Variants in TUBB4B observed in about 807,000 individuals in gnomAD.
The protein encoded by TUBB4B is tubulin beta 4B class IVb.
In TUBB4B, 7 loss-of-function variants were observed where a neutral mutation model predicts 34.3. The ratio of observed to expected loss-of-function variants is 0.20; its 90% CI spans 0.12 to 0.38. The LOEUF (loss-of-function observed/expected upper bound fraction) is 0.38, where lower values mean the gene tolerates loss of function less well. TUBB4B is among the 10% of genes least tolerant of loss of function. The probability of loss-of-function intolerance (pLI) is 1.00; values close to 1 mark genes in which losing one functional copy is unlikely to be tolerated. For missense variants in TUBB4B, 178 were observed against 610.9 expected, an observed-to-expected ratio of 0.29 and a Z score of 7.47; for synonymous variants, 390 against 250.2, an observed-to-expected ratio of 1.56 and a Z score of -5.27.
At chr9:137,242,402 C>A in intron 3 of TUBB4B, 94 bp from the exon 4 acceptor site, 1 of 1,440,746 alleles carries the variant, frequency 6.9e-7, no homozygotes, top group South Asian at 1.3e-5. Context: ...ATTCTGTGGT[C>A]AGCTCACACC....
At position 137,243,327 on chromosome 9, in the gene TUBB4B, A is replaced by G; in HGVS notation, c.1109A>G (p.Asn370Ser). The change falls in exon 4 of 4, where the codon AAC (asparagine) becomes AGC (serine). Residue 370 changes from asparagine to serine, a missense_variant. Coordinates refer to ENST00000340384, the MANE Select transcript of TUBB4B (RefSeq NM_006088.6). The part of the protein sequence containing the change: ...GLKMSATFIG[N>S]STAIQELFKR... Reference sequence around the variant, plus strand: ...AAAATGTCCGCCACCTTCATTGGCAACAGCACGGCCATCCAGGAGCTGTTC... The same window carrying G: ...AAAATGTCCGCCACCTTCATTGGCAGCAGCACGGCCATCCAGGAGCTGTTC... The G allele has an allele frequency of 6.2e-7, 1 of 1,613,624 alleles. No individual in the cohort carries two copies. Among genetic ancestry groups the G allele is most frequent in the Non-Finnish European group, 8.5e-7 (1 of 1,180,038 alleles).
Position 137,241,930 on chromosome 9 carries a change from C to T in TUBB4B, c.186C>T (p.Arg62=), listed in dbSNP as rs543022166. The change falls in exon 3 of 4, where the codon CGC becomes CGT. Residue 62 remains arginine, a synonymous_variant. Transcript: ENST00000340384. ...NEATGGKYVP[R]AVLVDLEPGT... ...CCGCAGGCGGCAAGTACGTGCCCCG[C>T]GCCGTGCTCGTGGATCTGGAGCCCG... 90 of 1,611,460 alleles carry T rather than the reference C, an allele frequency of 5.6e-5. 1 individual carries two copies. The South Asian group carries it at 7.2e-4, about 13-fold the overall frequency.
At chr9:137,241,543 G>A (rs2131432747) in intron 1 of TUBB4B, 126 bp downstream of exon 1, 2 of 948,514 alleles carry the variant, frequency 2.1e-6, no homozygotes, top group African/African-American at 3.5e-5. Flanking sequence ...CCCTCCGCGG[G>A]GAATTGGCCG....
In TUBB4B at chr9:137,242,827, T is replaced by C. The variant is rs1341625170; in HGVS notation, c.609T>C (p.Asp203=). The C allele has an allele frequency of 6.2e-7, 1 of 1,613,808 alleles. No homozygotes were observed. Among genetic ancestry groups the C allele is most frequent in the South Asian group, 1.1e-5 (1 of 91,086 alleles). The part of the protein sequence containing the change: ...VENTDETYCI[D]NEALYDICFR... Reference sequence around the variant, plus strand: ...ACACAGACGAGACCTACTGCATTGATAACGAAGCTCTCTACGACATTTGCT... The same window carrying C: ...ACACAGACGAGACCTACTGCATTGACAACGAAGCTCTCTACGACATTTGCT... Residue 203 remains aspartate, a synonymous_variant, in exon 4 of 4, where the codon GAT becomes GAC. Transcript: ENST00000340384.
Position 137,243,253 on chromosome 9 carries a change from C to T in TUBB4B, c.1035C>T (p.Ile345=), listed in dbSNP as rs201909594. The T allele has an allele frequency of 2.3e-4, 378 of 1,613,476 alleles. No homozygotes were observed. The Admixed American group carries it at 6.1e-3, about 26-fold the overall frequency. Residue 345 remains isoleucine, a synonymous_variant, in exon 4 of 4, where the codon ATC becomes ATT. Transcript: ENST00000340384. ...NKNSSYFVEW[I]PNNVKTAVCD... Reference sequence around the variant, plus strand: ...ACAGCAGCTATTTTGTTGAGTGGATCCCCAACAATGTGAAAACGGCTGTCT... The same window carrying T: ...ACAGCAGCTATTTTGTTGAGTGGATTCCCAACAATGTGAAAACGGCTGTCT...
Position 137,241,382 on chromosome 9 carries a change from C to T in TUBB4B, c.22C>T (p.Gln8Ter). 1 of 1,602,508 alleles carries T rather than the reference C, an allele frequency of 6.2e-7. No homozygotes were observed. The highest frequency in any genetic ancestry group is 1.1e-5 in the South Asian group (1 of 90,758). Residue 8 changes from glutamine (Q) to a stop codon, truncating the protein, a stop_gained, in exon 1 of 4, where the codon CAG becomes TAG. Coordinates refer to ENST00000340384, the MANE Select transcript of TUBB4B (RefSeq NM_006088.6). LOFTEE classifies it high-confidence loss of function. MREIVHL[Q>*]AGQCGNQIGA... Reference sequence around the variant, plus strand: ...CATCATGAGGGAAATCGTGCACTTGCAGGCCGGGCAGTGCGGCAACCAAAT... The same window carrying T: ...CATCATGAGGGAAATCGTGCACTTGTAGGCCGGGCAGTGCGGCAACCAAAT...
intron 1 of TUBB4B, 53 bp downstream of exon 1, chr9:137,241,470 G>T (rs1215402785): frequency 1.2e-5 from 17 of 1,408,786 alleles, no homozygotes; most frequent in Non-Finnish European, 1.2e-5. Context: ...GTGTGGGCGG[G>T]CGGCCGGGGA....
intron 3 of TUBB4B, 65 bp from the exon 4 acceptor site, chr9:137,242,431 C>G: frequency 6.4e-7 from 1 of 1,555,294 alleles, no homozygotes; most frequent in African/African-American, 1.4e-5. Context: ...CGGCTTTTTT[C>G]GCATGGCGGT....
chr9:137,243,705 G>GT lies in TUBB4B; in HGVS notation c.*150dup. On this transcript the variant is annotated 3_prime_UTR_variant, in exon 4 of 4. Transcript: ENST00000340384. ...ACACCACCATTAAAGCATTTTCATA[G>GT]TGTGTGGTTTCGCTTTGCCCATTCC... is the stretch of plus-strand genomic sequence containing the variant. 6.2e-7 allele frequency: 1 copy of GT among 1,614,156 alleles called. No homozygotes were observed. Among genetic ancestry groups the GT allele is most frequent in the South Asian group, 1.1e-5 (1 of 91,092 alleles).
At position 137,243,058 on chromosome 9, in the gene TUBB4B, G is replaced by A. The variant is rs1836789839; in HGVS notation, c.840G>A (p.Gln280=). Reference sequence around the variant, plus strand: ...CACTGACCAGCCGGGGCAGCCAGCAGTACCGGGCGCTGACCGTGCCCGAGC... The same window carrying A: ...CACTGACCAGCCGGGGCAGCCAGCAATACCGGGCGCTGACCGTGCCCGAGC... ...FAPLTSRGSQ[Q]YRALTVPELT... Residue 280 remains glutamine, a synonymous_variant, in exon 4 of 4, where the codon CAG becomes CAA. Coordinates refer to ENST00000340384, the MANE Select transcript of TUBB4B (RefSeq NM_006088.6). The A allele has an allele frequency of 5.0e-6, 8 of 1,612,966 alleles. No individual in the cohort carries two copies. Among genetic ancestry groups the A allele is most frequent in the Non-Finnish European group, 5.9e-6 (7 of 1,180,038 alleles).
chr9:137,242,204 A>G, intron 3 of TUBB4B, 183 bp downstream of exon 3: 1 of 687,222 alleles, frequency 1.5e-6, no homozygotes, highest in Non-Finnish European at 2.4e-6. Flanking sequence ...AGGAGCCGCC[A>G]CACACGTAAT....
At position 137,241,760 on chromosome 9, in the gene TUBB4B, A is replaced by C; in HGVS notation, c.97A>C (p.Thr33Pro). 7 of 1,612,096 alleles carry C rather than the reference A, an allele frequency of 4.3e-6. No individual in the cohort carries two copies. The highest frequency in any genetic ancestry group is 5.9e-6 in the Non-Finnish European group (7 of 1,179,504). The stretch of plus-strand genomic sequence containing the variant: ...CAGCGATGAGCACGGCATCGACCCC[A>C]CGGGCACCTACCACGGGGACAGCGA... The part of the protein sequence containing the change: ...VISDEHGIDP[T>P]GTYHGDSDLQ... Residue 33 changes from threonine to proline, a missense_variant, in exon 2 of 4, where the codon ACG becomes CCG. Thr to Pro is a conservative substitution (Grantham distance 38). Coordinates refer to ENST00000340384, the MANE Select transcript of TUBB4B (RefSeq NM_006088.6).
In TUBB4B at chr9:137,242,810, G is replaced by C; in HGVS notation, c.592G>C (p.Glu198Gln). 1 of 1,613,846 alleles carries C rather than the reference G, an allele frequency of 6.2e-7. No homozygotes were observed. The part of the protein sequence containing the change: ...SVHQLVENTD[E>Q]TYCIDNEALY... ...CCACCAGCTCGTAGAAAACACAGACGAGACCTACTGCATTGATAACGAAGC... is the reference window on the plus strand; with the variant it reads ...CCACCAGCTCGTAGAAAACACAGACCAGACCTACTGCATTGATAACGAAGC... The change falls in exon 4 of 4, where the codon GAG becomes CAG. Residue 198 changes from glutamate (E) to glutamine (Q), a missense_variant. Physicochemically the swap from Glu to Gln is conservative, Grantham distance 29. Transcript: ENST00000340384.
At position 137,241,296 on chromosome 9, in the gene TUBB4B, C is replaced by A; in HGVS notation, c.-65C>A. On this transcript the variant is annotated 5_prime_UTR_variant, in exon 1 of 4. Transcript: ENST00000340384. The stretch of plus-strand genomic sequence containing the variant: ...GCGGAGCGTCGGTTGTAGCACTCTG[C>A]GCGCCCGCTCTTCTGCTGCTGTTTG... 2 of 1,553,730 alleles carry A rather than the reference C, an allele frequency of 1.3e-6. No homozygotes were observed. Among genetic ancestry groups the A allele is most frequent in the Non-Finnish European group, 1.7e-6 (2 of 1,154,964 alleles).
At position 137,241,305 on chromosome 9, in the gene TUBB4B, T is replaced by C. The variant is rs555901468; in HGVS notation, c.-56T>C. ...CGGTTGTAGCACTCTGCGCGCCCGC[T>C]CTTCTGCTGCTGTTTGTCTACTTCC... On this transcript the variant is annotated 5_prime_UTR_variant, in exon 1 of 4. Transcript: ENST00000340384. The C allele has an allele frequency of 8.3e-6, 13 of 1,567,562 alleles. No individual in the cohort carries two copies. In the Admixed American group the frequency reaches 8.7e-5, roughly 10 times the overall value.
At position 137,243,298 on chromosome 9, in the gene TUBB4B, G is replaced by C. The variant is rs781097256; in HGVS notation, c.1080G>C (p.Gly360=). The change falls in exon 4 of 4, where the codon GGG becomes GGC. Residue 360 remains glycine (G), a synonymous_variant. Coordinates refer to ENST00000340384, the MANE Select transcript of TUBB4B (RefSeq NM_006088.6). ...CTGTCTGTGACATCCCACCTCGGGG[G>C]CTAAAAATGTCCGCCACCTTCATTG... ...KTAVCDIPPR[G]LKMSATFIGN... is the part of the protein sequence containing the mutation. 3.7e-6 allele frequency: 6 copies of C among 1,613,534 alleles called. No homozygotes were observed. The highest frequency in any genetic ancestry group is 1.7e-5 in the Admixed American group (1 of 60,012).
Position 137,241,939 on chromosome 9 carries a change from C to T in TUBB4B, c.195C>T (p.Leu65=), listed in dbSNP as rs1268270440. 7 of 1,611,566 alleles carry T rather than the reference C, an allele frequency of 4.3e-6. No homozygotes were observed. Among genetic ancestry groups the T allele is most frequent in the South Asian group, 3.3e-5 (3 of 91,024 alleles). The change falls in exon 3 of 4, where the codon CTC becomes CTT. Residue 65 remains leucine (L), a synonymous_variant. Coordinates refer to ENST00000340384, the MANE Select transcript of TUBB4B (RefSeq NM_006088.6). ...TGGKYVPRAV[L]VDLEPGTMDS... ...GCAAGTACGTGCCCCGCGCCGTGCT[C>T]GTGGATCTGGAGCCCGGCACCATGG...
Position 137,243,164 on chromosome 9 carries a change from G to C in TUBB4B, c.946G>C (p.Val316Leu), listed in dbSNP as rs750343160. ...RHGRYLTVAA[V>L]FRGRMSMKEV... is the part of the protein sequence containing the mutation. Reference sequence around the variant, plus strand: ...TGGCCGCTACCTGACGGTTGCCGCCGTGTTCAGGGGCCGCATGTCCATGAA... The same window carrying C: ...TGGCCGCTACCTGACGGTTGCCGCCCTGTTCAGGGGCCGCATGTCCATGAA... The change falls in exon 4 of 4, where the codon GTG becomes CTG. Residue 316 changes from valine (V) to leucine (L), a missense_variant. Coordinates refer to ENST00000340384, the MANE Select transcript of TUBB4B (RefSeq NM_006088.6). 13 of 1,612,984 alleles carry C rather than the reference G, an allele frequency of 8.1e-6. No homozygotes were observed. The highest frequency in any genetic ancestry group is 8.5e-7 in the Non-Finnish European group (1 of 1,179,994).
Position 137,242,517 on chromosome 9 carries a change from A to G in TUBB4B, c.299A>G (p.Asn100Ser). The change falls in exon 4 of 4, where the codon AAC (asparagine) becomes AGC (serine). Residue 100 changes from asparagine (N) to serine (S), a missense_variant. Asn to Ser is a conservative substitution (Grantham distance 46). Coordinates refer to ENST00000340384, the MANE Select transcript of TUBB4B (RefSeq NM_006088.6). ...ACAGGTCAGAGTGGTGCTGGGAACA[A>G]CTGGGCCAAGGGGCACTACACAGAA... ...FVFGQSGAGN[N>S]WAKGHYTEGA... 6.2e-7 allele frequency: 1 copy of G among 1,613,650 alleles called. No individual in the cohort carries two copies. Among genetic ancestry groups the G allele is most frequent in the South Asian group, 1.1e-5 (1 of 91,072 alleles).
Sources: allele counts gnomAD v4.1 joint callset, GRCh38; gene constraint gnomAD v4.1.1; transcripts MANE v1.5; gene names NCBI Gene and HGNC (gene_info 2026-07-23, HGNC 2026-07-21).